Variants in ABCD3 observed in about 807,000 individuals in gnomAD.
ABCD3 encodes ATP-binding cassette sub-family D member 3.
In ABCD3, 41 loss-of-function variants were observed where a neutral mutation model predicts 105.5. That is an observed-to-expected ratio of 0.39 (90% CI 0.30 to 0.50). The LOEUF is 0.50. ABCD3 is among the 20% of genes least tolerant of loss of function. The pLI, the probability that ABCD3 is intolerant of heterozygous loss-of-function variation, is 0.84. For missense variants in ABCD3, 622 were observed against 806.3 expected, an observed-to-expected ratio of 0.77 and a Z score of 2.77; for synonymous variants, 258 against 269.0, an observed-to-expected ratio of 0.96 and a Z score of 0.40.
chr1:94,398,874 A>G, the ABCD3 span, among the ~76,000 whole-genome samples: 1 of 152,092 alleles, frequency 6.6e-6, no homozygotes, highest in Admixed American at 6.5e-5. Context: ...AGATCATGCC[A>G]TTGCACTCCA....
chr1:94,450,492 A>G (rs1381199555), intron 1 of ABCD3, among the ~76,000 whole-genome samples: 1 of 152,252 alleles, frequency 6.6e-6, no homozygotes. Flanking sequence ...GCTTTCTTAA[A>G]CCACAAACAA....
chr1:94,410,641 C>A, the ABCD3 span, among the ~76,000 whole-genome samples: 1 of 152,138 alleles, frequency 6.6e-6, no homozygotes, highest in Non-Finnish European at 1.5e-5. Flanking sequence ...AGCTGAACGC[C>A]TAGGTCTGAA....
At chr1:94,419,556 G>A (rs950147549) in intron 1 of ABCD3, among the ~76,000 whole-genome samples, 3 of 152,148 alleles carry the variant, frequency 2.0e-5, no homozygotes, top group African/African-American at 4.8e-5. Flanking sequence ...TGAATATTTC[G>A]TATTAAATCT....
At chr1:94,395,681 T>A in the ABCD3 span, among the ~76,000 whole-genome samples, 1 of 152,160 alleles carries the variant, frequency 6.6e-6, no homozygotes, top group Non-Finnish European at 1.5e-5. Flanking sequence ...GGCAAATGGA[T>A]CTGAAAGAGC....
At chr1:94,498,898 T>A (rs1649964522) in intron 18 of ABCD3, 47 bp from the exon 19 acceptor site, 1 of 1,610,906 alleles carries the variant, frequency 6.2e-7, no homozygotes, top group Admixed American at 1.7e-5. Flanking sequence ...TTTGTTTATT[T>A]ATTTTTTCAT....
intron 10 of ABCD3, 103 bp from the exon 11 acceptor site, chr1:94,487,439 A>C: frequency 9.8e-7 from 1 of 1,015,808 alleles, no homozygotes; most frequent in Non-Finnish European, 1.5e-6. Context: ...CACTCAGTAA[A>C]TATTTGTTGA....
At chr1:94,480,852 G>A (rs904992468) in intron 9 of ABCD3, among the ~76,000 whole-genome samples, 4 of 152,208 alleles carry the variant, frequency 2.6e-5, no homozygotes, top group African/African-American at 9.6e-5. Context: ...TGAATTTTCT[G>A]TTAATTTTAC....
chr1:94,435,895 C>G (rs928640061), intron 1 of ABCD3, among the ~76,000 whole-genome samples: 3 of 152,180 alleles, frequency 2.0e-5, no homozygotes, highest in Admixed American at 2.0e-4. Flanking sequence ...TATTACAGCT[C>G]TTGTCCTTAT....
intron 1 of ABCD3, among the ~76,000 whole-genome samples, chr1:94,432,420 G>C (rs773107616): frequency 1.1e-4 from 17 of 152,192 alleles, no homozygotes; most frequent in Admixed American, 5.9e-4. Flanking sequence ...GGAGTTAATG[G>C]AGTTATATTT....
intron 21 of ABCD3, among the ~76,000 whole-genome samples, chr1:94,510,421 A>G (rs978563763): frequency 7.2e-5 from 11 of 152,118 alleles, no homozygotes; most frequent in African/African-American, 2.7e-4. Flanking sequence ...TATGTGGTCA[A>G]TTTTGGAATA....
chr1:94,410,052 CAA>C, the ABCD3 span, among the ~76,000 whole-genome samples: 32 of 152,164 alleles, frequency 2.1e-4, no homozygotes, highest in Non-Finnish European at 8.8e-5. Flanking sequence ...CTGAATAGGG[CAA>C]GACTGTATAG....
chr1:94,415,643 A>G (rs1401614474), upstream of ABCD3, among the ~76,000 whole-genome samples: 9 of 130,892 alleles, frequency 6.9e-5, no homozygotes, highest in South Asian at 2.6e-3. Flanking sequence ...TTTCCAGTGC[A>G]GAAGTTCAGA....
chr1:94,507,481 T>G (rs1208463250), intron 21 of ABCD3, among the ~76,000 whole-genome samples: 1 of 152,112 alleles, frequency 6.6e-6, no homozygotes, highest in East Asian at 1.9e-4. Flanking sequence ...AGCAGCATGA[T>G]TTATAGTCCT....
chr1:94,466,328 C>T (rs1648133629), intron 3 of ABCD3, among the ~76,000 whole-genome samples: 1 of 152,164 alleles, frequency 6.6e-6, no homozygotes, highest in Admixed American at 6.5e-5. Flanking sequence ...TCTCCCTTTA[C>T]ATTCCTACTG....
chr1:94,418,861 A>T (rs1215696415), intron 1 of ABCD3: 9 of 517,712 alleles, frequency 1.7e-5, no homozygotes, highest in East Asian at 3.6e-5. Context: ...GCCAGCACTC[A>T]GGCAGCGGCC....
In ABCD3 at chr1:94,489,959, G is replaced by A; in HGVS notation, c.1306G>A (p.Ala436Thr). 1 of 1,612,956 alleles carries A rather than the reference G, an allele frequency of 6.2e-7. No individual in the cohort carries two copies. The highest frequency in any genetic ancestry group is 8.5e-7 in the Non-Finnish European group (1 of 1,179,192). Residue 436 changes from alanine (A) to threonine (T), a missense_variant, in exon 15 of 23, where the codon GCA (alanine) becomes ACA (threonine). Around this residue, in one of 4 missense-constraint regions of ABCD3, gnomAD observed 285 missense variants for 352.5 expected, o/e 0.81. Transcript: ENST00000370214. ...ACCTGGTGCTGGAGAAATCATTATT[G>A]CAGATAACATTATAAAGTACGTACA... is the stretch of plus-strand genomic sequence containing the variant. ...LIPGAGEIII[A>T]DNIIKFDHVP...
At chr1:94,470,495 C>T (rs889010714) in intron 4 of ABCD3, among the ~76,000 whole-genome samples, 4 of 151,956 alleles carry the variant, frequency 2.6e-5, no homozygotes, top group African/African-American at 9.7e-5. Context: ...CTCAATCTCC[C>T]CCTCAATCTT....
intron 16 of ABCD3, among the ~76,000 whole-genome samples, chr1:94,492,625 G>A (rs1164317206): frequency 6.6e-6 from 1 of 152,168 alleles, no homozygotes; most frequent in Non-Finnish European, 1.5e-5. Context: ...GGCAAAGTAG[G>A]TAGCCAGGCT....
the ABCD3 span, among the ~76,000 whole-genome samples, chr1:94,400,771 A>G: frequency 5.3e-5 from 8 of 152,212 alleles, no homozygotes; most frequent in Non-Finnish European, 1.2e-4. Flanking sequence ...TTACATTATT[A>G]CCACTGTGCA....
Sources: allele counts gnomAD v4.1 joint callset (sites outside exome capture counted in the v4.1 genomes callset), GRCh38; gene constraint gnomAD v4.1.1; regional missense constraint gnomAD v4.1.1; transcripts MANE v1.5; gene names NCBI Gene and HGNC (gene_info 2026-07-23, HGNC 2026-07-21).